The following MAPRE3 variants were observed in gnomAD, a reference collection of about 807,000 sequenced individuals.
The protein encoded by MAPRE3 is microtubule associated protein RP/EB family member 3, also known as microtubule-associated protein RP/EB family member 3.
A neutral mutation model predicts 30.5 loss-of-function variants in MAPRE3; 2 were observed. That is an observed-to-expected ratio of 0.07 (90% CI 0.03 to 0.21). The LOEUF (loss-of-function observed/expected upper bound fraction) is 0.21. Among genes scored for constraint, MAPRE3 ranks in the 10% least tolerant of loss-of-function variants. The pLI is 1.00. For synonymous variants in MAPRE3, 110 were observed against 127.7 expected (o/e 0.86, Z 0.93); for missense variants, 204 against 351.8 (o/e 0.58, Z 3.36).
intron 1 of MAPRE3, chr2:27,012,637 CACGT>C (rs879363523): frequency 6.5e-6 from 1 of 152,692 alleles, no homozygotes; most frequent in Non-Finnish European, 1.5e-5. Flanking sequence ...TGACTGTCTC[CACGT>C]GGGGTTAGTC....
intron 1 of MAPRE3, among the ~76,000 whole-genome samples, chr2:26,998,716 A>C (rs901238872): frequency 6.6e-6 from 1 of 152,224 alleles, no homozygotes; most frequent in Admixed American, 6.5e-5. Context: ...AGTACCCAGA[A>C]GGCTAGGCTA....
chr2:27,018,669 T>G (rs1667041085), intron 1 of MAPRE3, among the ~76,000 whole-genome samples: 1 of 152,172 alleles, frequency 6.6e-6, no homozygotes, highest in South Asian at 2.1e-4. Flanking sequence ...ACTCTGCCCC[T>G]TCGGCAAGCT....
At chr2:27,005,557 G>A (rs1173852573) in intron 1 of MAPRE3, among the ~76,000 whole-genome samples, 2 of 152,178 alleles carry the variant, frequency 1.3e-5, no homozygotes, top group Admixed American at 6.5e-5. Flanking sequence ...GCAAAGGCTC[G>A]AGGAGGAAAG....
chr2:27,005,722 G>C (rs1034451725), intron 1 of MAPRE3, among the ~76,000 whole-genome samples: 1 of 152,208 alleles, frequency 6.6e-6, no homozygotes, highest in Non-Finnish European at 1.5e-5. Context: ...CAAAGGGAGA[G>C]TGGCAGGAGT....
intron 6 of MAPRE3, 86 bp downstream of exon 6, chr2:27,026,118 A>G: frequency 6.5e-7 from 1 of 1,537,536 alleles, no homozygotes; most frequent in Non-Finnish European, 8.9e-7. Flanking sequence ...GGGACCGTGG[A>G]GAACATTTAC....
chr2:27,000,204 G>T (rs1437158991), intron 1 of MAPRE3, among the ~76,000 whole-genome samples: 2 of 152,160 alleles, frequency 1.3e-5, no homozygotes, highest in Admixed American at 1.3e-4. Flanking sequence ...AACAATAAAA[G>T]AAATTTTAGT....
At chr2:27,016,493 T>C (rs544018840) in intron 1 of MAPRE3, among the ~76,000 whole-genome samples, 160 of 150,562 alleles carry the variant, frequency 1.1e-3, no homozygotes, top group African/African-American at 3.8e-3. Context: ...CACGCCATTC[T>C]CCTGCCTCAG....
chr2:26,975,893 C>T (rs1666006473), intron 1 of MAPRE3, among the ~76,000 whole-genome samples: 1 of 149,976 alleles, frequency 6.7e-6, no homozygotes, highest in Non-Finnish European at 1.5e-5. Context: ...GTGGCTGCTT[C>T]CCGGTCAGCC....
At chr2:26,980,456 G>T (rs1337535066) in intron 1 of MAPRE3, among the ~76,000 whole-genome samples, 1 of 152,176 alleles carries the variant, frequency 6.6e-6, no homozygotes, top group Non-Finnish European at 1.5e-5. Flanking sequence ...GTATTAAAAT[G>T]TGCTTCATCT....
At chr2:26,994,100 T>A (rs983405767) in intron 1 of MAPRE3, among the ~76,000 whole-genome samples, 94 of 152,358 alleles carry the variant, frequency 6.2e-4, no homozygotes, top group African/African-American at 2.1e-3. Flanking sequence ...CTGTCTTGAC[T>A]GTTTTACTGT....
rs78422444 is a variant in MAPRE3, at chr2:26,990,284, C to G, written c.-8+19482C>G. ...AAGGAAGCTGTGTATTTCCACACCC[C>G]CTCCTATGCGCCCCATGCTCTCCCC... On this transcript the variant is annotated intron_variant, in intron 1 of 6. Coordinates refer to ENST00000233121, the MANE Select transcript of MAPRE3 (RefSeq NM_012326.4). Among the ~76,000 whole-genome samples, 1,067 of 152,312 alleles carry G rather than the reference C, an allele frequency of 7.0e-3. 5 individuals are homozygous for G. Among genetic ancestry groups the G allele is most frequent in the Non-Finnish European group, 0.011 (755 of 68,022 alleles).
chr2:27,006,622 C>T (rs998624195), intron 1 of MAPRE3, among the ~76,000 whole-genome samples: 58 of 151,968 alleles, frequency 3.8e-4, no homozygotes, highest in African/African-American at 1.2e-3. Flanking sequence ...TTTGTAGAGA[C>T]GGGGTCATGC....
intron 1 of MAPRE3, among the ~76,000 whole-genome samples, chr2:26,998,892 A>G (rs1264706597): frequency 6.6e-6 from 1 of 152,212 alleles, no homozygotes; most frequent in Non-Finnish European, 1.5e-5. Flanking sequence ...ATACAAATGC[A>G]GAACCTAGTA....
At chr2:26,995,863 G>A (rs1416202241) in intron 1 of MAPRE3, among the ~76,000 whole-genome samples, 1 of 138,158 alleles carries the variant, frequency 7.2e-6, no homozygotes, top group African/African-American at 2.7e-5. Flanking sequence ...CTCCCCACAA[G>A]ATACTAATGG....
chr2:26,978,924 G>T (rs1666064486), intron 1 of MAPRE3, among the ~76,000 whole-genome samples: 1 of 152,182 alleles, frequency 6.6e-6, no homozygotes, highest in Non-Finnish European at 1.5e-5. Flanking sequence ...CACATCTTTG[G>T]TGCCTTATTC....
chr2:27,016,545 C>T (rs1666992107), intron 1 of MAPRE3, among the ~76,000 whole-genome samples: 1 of 151,946 alleles, frequency 6.6e-6, no homozygotes, highest in African/African-American at 2.4e-5. Context: ...CCACTGTGCC[C>T]GGCTAATTTT....
intron 1 of MAPRE3, among the ~76,000 whole-genome samples, chr2:26,995,825 G>GTA (rs1553327993): frequency 3.3e-5 from 5 of 149,348 alleles, no homozygotes; most frequent in South Asian, 4.4e-4. Flanking sequence ...GTGTGTGTGT[G>GTA]TGTGTATGTG....
At position 26,985,447 on chromosome 2, in the gene MAPRE3, G is replaced by T. The variant is rs910841405; in HGVS notation, c.-8+14645G>T. On this transcript the variant is annotated intron_variant, in intron 1 of 6. Transcript: ENST00000233121. The surrounding 1 kb of genome is among the most constrained non-coding windows in gnomAD (Gnocchi z 4.2). ...TATAGCAGTAATGTGGCAGAAGCAG[G>T]CCCTGGAGACCCTCCCCACTTGCTC... Among the ~76,000 whole-genome samples the T allele has an allele frequency of 6.6e-6, 1 of 152,202 alleles. No individual in the cohort carries two copies. The highest frequency in any genetic ancestry group is 1.5e-5 in the Non-Finnish European group (1 of 68,044).
intron 1 of MAPRE3, among the ~76,000 whole-genome samples, chr2:26,997,851 T>C (rs1269697380): frequency 6.6e-6 from 1 of 152,234 alleles, no homozygotes; most frequent in African/African-American, 2.4e-5. Flanking sequence ...GAAGACAGAA[T>C]AATAGAATTG....
Sources: allele counts gnomAD v4.1 joint callset (sites outside exome capture counted in the v4.1 genomes callset), GRCh38; gene constraint gnomAD v4.1.1; non-coding constraint Gnocchi (gnomAD v3.1); transcripts MANE v1.5; gene names NCBI Gene and HGNC (gene_info 2026-07-23, HGNC 2026-07-21).